CCDC171: variants seen among roughly 807,000 people sequenced by gnomAD.
CCDC171 encodes the protein coiled-coil domain containing 171.
CCDC171 carries 177 observed loss-of-function variants against 168.2 expected under a neutral mutation model. That is an observed-to-expected ratio of 1.05 (90% CI 0.93 to 1.19). CCDC171 has a LOEUF of 1.19. Ranked by LOEUF, CCDC171 falls within the 50% of genes most tolerant of loss-of-function variation. The pLI, the probability that CCDC171 is intolerant of heterozygous loss-of-function variation, is 0.00. For synonymous variants in CCDC171, 687 were observed against 540.8 expected, an observed-to-expected ratio of 1.27 and a Z score of -3.75; for missense variants, 1,991 against 1,539.0, an observed-to-expected ratio of 1.29 and a Z score of -4.91.
At chr9:15,654,088 A>G (rs1399452237) in intron 7 of CCDC171, among the ~76,000 whole-genome samples, 3 of 152,084 alleles carry the variant, frequency 2.0e-5, no homozygotes, top group African/African-American at 7.2e-5. Context: ...ATTTTTAAAT[A>G]CTCTAGTAGT....
chr9:15,784,147 C>A (rs1266372451), intron 20 of CCDC171, among the ~76,000 whole-genome samples: 2 of 152,114 alleles, frequency 1.3e-5, no homozygotes, highest in African/African-American at 4.8e-5. Context: ...ACACAAACTT[C>A]TAGGTGATCA....
chr9:15,608,806 A>G (rs1476685705), intron 6 of CCDC171, among the ~76,000 whole-genome samples: 1 of 150,792 alleles, frequency 6.6e-6, no homozygotes, highest in African/African-American at 2.4e-5. Flanking sequence ...AAAAGTATAT[A>G]TATTAGCCAG....
At chr9:15,701,819 C>T (rs2051771896) in intron 11 of CCDC171, among the ~76,000 whole-genome samples, 1 of 152,186 alleles carries the variant, frequency 6.6e-6, no homozygotes, top group Non-Finnish European at 1.5e-5. Flanking sequence ...GAATCAACTT[C>T]TTCCAAATTC....
At chr9:15,958,114 C>CCATTCATTCATTCATT (rs34099313) in intron 25 of CCDC171, among the ~76,000 whole-genome samples, 2 of 150,672 alleles carry the variant, frequency 1.3e-5, no homozygotes, top group African/African-American at 4.9e-5. Flanking sequence ...ACTCACTCAT[C>CCATTCATTCATTCATT]CATTCATTCA....
At chr9:15,911,988 T>C (rs1823727269) in intron 24 of CCDC171, among the ~76,000 whole-genome samples, 1 of 152,218 alleles carries the variant, frequency 6.6e-6, no homozygotes, top group Admixed American at 6.5e-5. Flanking sequence ...GTGTGATCCC[T>C]CCAGCTTTGT....
At chr9:15,819,721 A>G (rs1272124920) in intron 21 of CCDC171, among the ~76,000 whole-genome samples, 1 of 117,134 alleles carries the variant, frequency 8.5e-6, no homozygotes, top group Non-Finnish European at 1.9e-5. Flanking sequence ...AGAGACTTAG[A>G]CTCCCACACA....
At chr9:15,905,645 T>C (rs990240814) in intron 24 of CCDC171, among the ~76,000 whole-genome samples, 5 of 151,966 alleles carry the variant, frequency 3.3e-5, no homozygotes, top group African/African-American at 4.8e-5. Flanking sequence ...ATTCAAAAGC[T>C]AGCAGAAGGC....
chr9:15,692,655 G>C (rs969855430), intron 10 of CCDC171, among the ~76,000 whole-genome samples: 15 of 151,030 alleles, frequency 9.9e-5, no homozygotes, highest in Admixed American at 2.0e-4. Context: ...AGCCTCCCAA[G>C]TAGCTGGGAC....
chr9:15,558,840 G>A (rs1469577516), intron 1 of CCDC171, among the ~76,000 whole-genome samples: 1 of 152,072 alleles, frequency 6.6e-6, no homozygotes, highest in Admixed American at 6.6e-5. Context: ...ATCAATTTTA[G>A]ATCTTTCCTG....
chr9:15,870,721 G>C (rs770205), intron 23 of CCDC171, among the ~76,000 whole-genome samples: 113,919 of 151,046 alleles, frequency 0.75, 44,553 homozygotes, highest in East Asian at 0.87. Context: ...CATGATAAAA[G>C]ATGGAGGGAG....
At position 15,971,786 on chromosome 9, in the gene CCDC171, C is replaced by G. The variant is rs1216340941; in HGVS notation, c.3931C>G (p.Pro1311Ala). Reference protein sequence around the residue: ...PHALTSSHSSPVTMSANANRP... With the variant: ...PHALTSSHSSAVTMSANANRP... ...TGCTCTGACATCATCTCACTCCTCT[C>G]CAGTGACTATGTCTGCTAATGCCAA... The change falls in exon 26 of 26, where the codon CCA becomes GCA. Residue 1311 changes from proline to alanine, a missense_variant. Transcript: ENST00000380701. 4 of 1,613,940 alleles carry G rather than the reference C, an allele frequency of 2.5e-6. No individual in the cohort carries two copies. Among genetic ancestry groups the G allele is most frequent in the Non-Finnish European group, 3.4e-6 (4 of 1,179,880 alleles).
intron 21 of CCDC171, among the ~76,000 whole-genome samples, chr9:15,831,845 T>G (rs1290821543): frequency 6.7e-6 from 1 of 149,448 alleles, no homozygotes; most frequent in African/African-American, 2.6e-5. Flanking sequence ...GTAATCATAT[T>G]TTTCCTGGTA....
chr9:15,902,565 G>T (rs1011685160), intron 24 of CCDC171, among the ~76,000 whole-genome samples: 9 of 149,168 alleles, frequency 6.0e-5, no homozygotes, highest in African/African-American at 2.2e-4. Context: ...AGCCAAGATG[G>T]CTGAATAGGA....
At chr9:15,791,624 A>G (rs547680642) in intron 21 of CCDC171, among the ~76,000 whole-genome samples, 2 of 152,306 alleles carry the variant, frequency 1.3e-5, no homozygotes, top group East Asian at 3.9e-4. Flanking sequence ...CAGAACTTCC[A>G]ACACTATGTT....
intron 21 of CCDC171, among the ~76,000 whole-genome samples, chr9:15,836,697 C>G (rs899569891): frequency 6.6e-6 from 1 of 152,174 alleles, no homozygotes; most frequent in Non-Finnish European, 1.5e-5. Flanking sequence ...GTCCTTTTCT[C>G]CGATAGGAAT....
chr9:15,784,520 C>T lies in CCDC171; in HGVS notation c.3093C>T (p.Thr1031=). 1 of 1,611,292 alleles carries T rather than the reference C, an allele frequency of 6.2e-7. No homozygotes were observed. The highest frequency in any genetic ancestry group is 8.5e-7 in the Non-Finnish European group (1 of 1,178,094). ...CCTCCTTTTTACAGAAATTGATCAC[C>T]CATGAGAAGTTTGAAAGTGCATGTG... ...LNEFKQSKLI[T]HEKFESACEE... The change falls in exon 21 of 26, where the codon ACC becomes ACT. Residue 1031 remains threonine, a synonymous_variant. Transcript: ENST00000380701.
At chr9:15,628,844 A>G (rs1400802556) in intron 7 of CCDC171, among the ~76,000 whole-genome samples, 1 of 152,152 alleles carries the variant, frequency 6.6e-6, no homozygotes, top group Non-Finnish European at 1.5e-5. Flanking sequence ...TTCCAGAGGA[A>G]CGATCAGACA....
chr9:15,905,658 GA>G (rs1394973660), intron 24 of CCDC171, among the ~76,000 whole-genome samples: 1 of 152,030 alleles, frequency 6.6e-6, no homozygotes, highest in Admixed American at 6.5e-5. Context: ...CAGAAGGCAA[GA>G]AAAAACTAAG....
At chr9:16,096,666 C>T in the CCDC171 span, among the ~76,000 whole-genome samples, 1 of 152,190 alleles carries the variant, frequency 6.6e-6, no homozygotes, top group Non-Finnish European at 1.5e-5. Flanking sequence ...AGTGAGGCTA[C>T]TGCCTCTGTT....
Sources: gnomAD v4.1 joint callset for allele counts (sites outside exome capture counted in the v4.1 genomes callset) on GRCh38, gnomAD v4.1.1 for gene constraint, MANE v1.5 for transcripts, NCBI Gene and HGNC (gene_info 2026-07-23, HGNC 2026-07-21) for gene names.